Variants in NLRP1 observed in about 807,000 individuals in gnomAD.
The protein encoded by NLRP1 is NLR family pyrin domain containing 1.
NLRP1 carries 94 observed loss-of-function variants against 136.7 expected under a neutral mutation model. The observed-to-expected ratio is 0.69, with a 90% CI of 0.58 to 0.82. NLRP1 has a LOEUF of 0.82. Among genes scored for constraint, NLRP1 ranks in the 40% least tolerant of loss-of-function variants. The pLI is 0.00. For missense variants in NLRP1, 1,575 were observed against 1,802.7 expected, an observed-to-expected ratio of 0.87 and a Z score of 2.29; for synonymous variants, 690 against 725.1, an observed-to-expected ratio of 0.95 and a Z score of 0.78.
At chr17:5,555,017 T>TCACACACACACACACA (rs55705436) in intron 4 of NLRP1, among the ~76,000 whole-genome samples, 13 of 142,442 alleles carry the variant, frequency 9.1e-5, no homozygotes, top group African/African-American at 3.5e-4. Context: ...TGAGATCCCA[T>TCACACACACACACACA]CACACACACA....
intron 15 of NLRP1, chr17:5,502,985 TGGTGTGAATGAATAATGGACTGGAAG>T (rs1201372577): frequency 1.3e-5 from 2 of 151,370 alleles, no homozygotes; most frequent in East Asian, 3.9e-4. Context: ...TGGAATGAAA[TGGTGTGAATGAATAATGGACTGGAAG>T]GGTGTGAAGG....
rs929539056 is a variant in NLRP1 at position 5,501,676 on chromosome 17, A to G, written c.*138T>C. 6 of 652,222 alleles carry G rather than the reference A, an allele frequency of 9.2e-6. No homozygotes were observed. In the Admixed American group the frequency reaches 1.0e-4, roughly 11 times the overall value. 40.4% of individuals were successfully genotyped at this position (652,222 alleles called of 1,614,324 possible). ...GCATCCAGCCTTTTGAGCATCTCGCATATGATTAAGAACAAATCCTTCAAA... is the reference window on the plus strand; with the variant it reads ...GCATCCAGCCTTTTGAGCATCTCGCGTATGATTAAGAACAAATCCTTCAAA... On this transcript the variant is annotated 3_prime_UTR_variant, in exon 16 of 16. Transcript: ENST00000262467.
In NLRP1 at chr17:5,514,731, G is replaced by A; in HGVS notation, c.*23C>T. ...GGGTCAGCCAAAGCCAGGACTCAAG[G>A]GTCAAGGGCTGGTGTTGATACTTCA... On this transcript the variant is annotated 3_prime_UTR_variant, in exon 17 of 17. Transcript: ENST00000572272. 6.2e-7 allele frequency: 1 copy of A among 1,611,078 alleles called. No homozygotes were observed. Among genetic ancestry groups the A allele is most frequent in the Non-Finnish European group, 8.5e-7 (1 of 1,177,508 alleles).
chr17:5,575,265 A>C (rs1394721850), intron 3 of NLRP1, among the ~76,000 whole-genome samples: 1 of 152,216 alleles, frequency 6.6e-6, no homozygotes, highest in Admixed American at 6.5e-5. Flanking sequence ...TCAAATTCAC[A>C]CATAACAATA....
intron 3 of NLRP1, among the ~76,000 whole-genome samples, chr17:5,561,206 G>A (rs982912542): frequency 2.6e-5 from 4 of 152,004 alleles, no homozygotes; most frequent in African/African-American, 9.7e-5. Context: ...ATAAGTACCC[G>A]CCATCACGCC....
intron 12 of NLRP1, chr17:5,530,194 T>G: frequency 2.0e-6 from 1 of 502,190 alleles, no homozygotes; most frequent in Non-Finnish European, 3.7e-6. Context: ...GAGCATATCA[T>G]CTCTTTCCTG....
chr17:5,519,485 G>T (rs1300477308), intron 14 of NLRP1, among the ~76,000 whole-genome samples: 2 of 145,144 alleles, frequency 1.4e-5, no homozygotes, highest in Non-Finnish European at 3.0e-5. Flanking sequence ...TGCTCTTGTA[G>T]CCCACACTGG....
chr17:5,547,883 C>A (rs1863149216), intron 5 of NLRP1, among the ~76,000 whole-genome samples: 2 of 152,180 alleles, frequency 1.3e-5, no homozygotes. Context: ...TTCTTACAAT[C>A]TCCTTTCTTT....
chr17:5,505,840 G>A (rs1907305046), intron 15 of NLRP1: 1 of 152,400 alleles, frequency 6.6e-6, no homozygotes, highest in Non-Finnish European at 1.5e-5. Context: ...GGGCCTAGCA[G>A]AGCTCACCAC....
chr17:5,553,689 C>T, intron 4 of NLRP1, 133 bp from the exon 5 acceptor site: 1 of 674,868 alleles, frequency 1.5e-6, no homozygotes, highest in Non-Finnish European at 2.4e-6. Flanking sequence ...ATCTCCAGTA[C>T]TGACCAGCCC....
rs201070268 is a variant in NLRP1, at chr17:5,559,090, G to A, written c.1606C>T (p.Arg536Trp). ...ACTCLMQQMK[R>W]KEKLTLTSKT... ...GAAGTCAGTGTGAGTTTTTCCTTCCGCTTCATCTGCTGCATCAGGCAAGTG... is the reference window on the plus strand; with the variant it reads ...GAAGTCAGTGTGAGTTTTTCCTTCCACTTCATCTGCTGCATCAGGCAAGTG... The change falls in exon 4 of 17, where the codon CGG (arginine) becomes TGG (tryptophan). Residue 536 changes from arginine (R) to tryptophan (W), a missense_variant. Physicochemically the swap from Arg to Trp is moderately radical, Grantham distance 101. Transcript: ENST00000572272. 134 of 1,614,142 alleles carry A rather than the reference G, an allele frequency of 8.3e-5. 1 individual carries two copies. Among genetic ancestry groups the A allele is most frequent in the Middle Eastern group, 1.6e-4 (1 of 6,062 alleles).
In NLRP1 at chr17:5,514,385, G is replaced by A; in HGVS notation, c.*369C>T. 1.8e-6 allele frequency: 2 copies of A among 1,082,042 alleles called. No homozygotes were observed. The highest frequency in any genetic ancestry group is 2.3e-6 in the Non-Finnish European group (2 of 888,016). 67.0% of individuals were successfully genotyped at this position (1,082,042 alleles called of 1,614,324 possible). A position where few individuals can be genotyped will look rare whatever the true frequency, so the allele number is the denominator to read the frequency against. On this transcript the variant is annotated 3_prime_UTR_variant, in exon 17 of 17. Coordinates refer to ENST00000572272, the MANE Select transcript of NLRP1 (RefSeq NM_033004.4). ...TCCCACGCTGAACCCCAATTTTGGG[G>A]CTCACCCTGTGACACAGCCAGAGGC...
chr17:5,530,110 A>C (rs985565517), intron 12 of NLRP1: 2 of 460,160 alleles, frequency 4.3e-6, no homozygotes, highest in Middle Eastern at 3.2e-4. Flanking sequence ...TTGCCCCAAC[A>C]TTCTTCGTTA....
chr17:5,563,087 TC>T (rs1914943296), intron 3 of NLRP1, among the ~76,000 whole-genome samples: 1 of 151,878 alleles, frequency 6.6e-6, no homozygotes, highest in Non-Finnish European at 1.5e-5. Context: ...CCCAAGGGCT[TC>T]AAACAAGATA....
At chr17:5,543,943 C>T (rs562903901) in intron 5 of NLRP1, among the ~76,000 whole-genome samples, 12 of 152,208 alleles carry the variant, frequency 7.9e-5, no homozygotes, top group East Asian at 5.8e-4. Flanking sequence ...CAGAAGGACC[C>T]GGAACTGGCA....
chr17:5,523,419 G>A (rs1428046747), intron 12 of NLRP1, among the ~76,000 whole-genome samples: 2 of 152,192 alleles, frequency 1.3e-5, no homozygotes, highest in African/African-American at 4.8e-5. Flanking sequence ...TTCCTGATGT[G>A]ACCTTGGCTC....
chr17:5,564,149 C>G (rs1002038301), intron 3 of NLRP1, among the ~76,000 whole-genome samples: 1 of 152,162 alleles, frequency 6.6e-6, no homozygotes, highest in African/African-American at 2.4e-5. Context: ...ATAAGCACAT[C>G]ATGGAGAATG....
chr17:5,530,729 CACTTACTGCACGA>C (rs1205027813), intron 11 of NLRP1, 25 bp from the exon 12 acceptor site: 6 of 1,578,002 alleles, frequency 3.8e-6, no homozygotes, highest in Non-Finnish European at 5.2e-6. Flanking sequence ...GAGAGGCAGA[CACTTACTGCACGA>C]ACTCACTGAG....
chr17:5,549,816 T>G (rs1272689682), intron 5 of NLRP1, among the ~76,000 whole-genome samples: 1 of 152,188 alleles, frequency 6.6e-6, no homozygotes, highest in African/African-American at 2.4e-5. Context: ...TTAAGTATAA[T>G]GTTAGCTGTG....
Sources: gnomAD v4.1 joint callset for allele counts (sites outside exome capture counted in the v4.1 genomes callset) on GRCh38, gnomAD v4.1.1 for gene constraint, MANE v1.5 for transcripts, NCBI Gene and HGNC (gene_info 2026-07-23, HGNC 2026-07-21) for gene names.